Variants in TENM2 observed in about 807,000 individuals in gnomAD.
TENM2 encodes the protein teneurin transmembrane protein 2.
TENM2 carries 52 observed loss-of-function variants against 245.2 expected under a neutral mutation model. The observed-to-expected ratio is 0.21, with a 90% CI of 0.17 to 0.27. The LOEUF is 0.27. Ranked by LOEUF, TENM2 falls within the 10% of genes least tolerant of loss-of-function variation. TENM2 has a pLI of 1.00. For missense variants in TENM2, 3,046 were observed against 3,666.8 expected, an observed-to-expected ratio of 0.83 and a Z score of 4.37; for synonymous variants, 1,363 against 1,438.9, an observed-to-expected ratio of 0.95 and a Z score of 1.19.
chr5:168,020,929 A>G (rs1437250167), intron 5 of TENM2, among the ~76,000 whole-genome samples: 1 of 152,230 alleles, frequency 6.6e-6, no homozygotes, highest in African/African-American at 2.4e-5. Flanking sequence ...AAAAAGCTCT[A>G]TTAAATAGAT....
intron 2 of TENM2, among the ~76,000 whole-genome samples, chr5:167,804,268 G>T (rs1437393780): frequency 6.6e-6 from 1 of 151,862 alleles, no homozygotes; most frequent in Non-Finnish European, 1.5e-5. Flanking sequence ...TAATAAAATT[G>T]CTATGGCATG....
rs188844033 is a variant in TENM2 at position 167,973,951 on chromosome 5, A to G, written c.948-18993A>G. On this transcript the variant is annotated intron_variant, in intron 4 of 28. Coordinates refer to ENST00000518659, the Ensembl canonical transcript of TENM2. ...GGATACACCAGAAAGGGAGGAAACTAAAAGTACATTGAAGTTAACCAGTGC... is the reference window on the plus strand; with the variant it reads ...GGATACACCAGAAAGGGAGGAAACTGAAAGTACATTGAAGTTAACCAGTGC... Among the ~76,000 whole-genome samples, 48 of 149,154 alleles carry G rather than the reference A, an allele frequency of 3.2e-4. No individual in the cohort carries two copies. In the East Asian group the frequency reaches 8.5e-3, roughly 27 times the overall value.
intron 5 of TENM2, among the ~76,000 whole-genome samples, chr5:168,036,981 G>A (rs548267851): frequency 5.1e-4 from 78 of 152,026 alleles, no homozygotes; most frequent in African/African-American, 1.8e-3. Flanking sequence ...GGCTGAGGAG[G>A]ACTACCCCTT....
At chr5:167,956,355 T>C (rs1264111215) in intron 4 of TENM2, among the ~76,000 whole-genome samples, 2 of 152,210 alleles carry the variant, frequency 1.3e-5, no homozygotes, top group African/African-American at 4.8e-5. Context: ...GCTTATCACC[T>C]TAAGGAGATT....
chr5:167,302,124 G>A lies in TENM2; in HGVS notation c.226+17061G>A, dbSNP rs1328842179. Reference sequence around the variant, plus strand: ...TGGAGGGACTGATGTGTAAAAGAATGCCTGGACATCAGGCACCTCAGACCG... The same window carrying A: ...TGGAGGGACTGATGTGTAAAAGAATACCTGGACATCAGGCACCTCAGACCG... On this transcript the variant is annotated intron_variant, in intron 1 of 28. Coordinates refer to ENST00000518659, the Ensembl canonical transcript of TENM2. 5.3e-5 allele frequency among the ~76,000 whole-genome samples: 8 copies of A among 152,254 alleles called. No homozygotes were observed. In the East Asian group the frequency reaches 7.7e-4, roughly 15 times the overall value.
chr5:167,066,609 C>A, the TENM2 span, among the ~76,000 whole-genome samples: 1 of 143,862 alleles, frequency 7.0e-6, no homozygotes, highest in Non-Finnish European at 1.5e-5. Context: ...TCAATTCCTA[C>A]CTATGAGTGA....
the TENM2 span, among the ~76,000 whole-genome samples, chr5:167,059,846 G>A: frequency 6.6e-6 from 1 of 151,896 alleles, no homozygotes; most frequent in Admixed American, 6.6e-5. Context: ...TGGGATTACA[G>A]GTGGCTGCCA....
intron 2 of TENM2, among the ~76,000 whole-genome samples, chr5:167,402,904 T>C (rs1455088381): frequency 6.6e-6 from 1 of 152,090 alleles, no homozygotes; most frequent in Admixed American, 6.6e-5. Context: ...TGTGAAATCA[T>C]TTCAATTAAT....
chr5:167,379,821 T>C (rs906843169), intron 2 of TENM2, among the ~76,000 whole-genome samples: 7 of 151,992 alleles, frequency 4.6e-5, no homozygotes, highest in Non-Finnish European at 1.0e-4. Context: ...GTGCTTGATG[T>C]TGATATGGGA....
intron 2 of TENM2, among the ~76,000 whole-genome samples, chr5:167,395,298 G>T (rs544552571): frequency 4.6e-5 from 7 of 152,200 alleles, no homozygotes; most frequent in Non-Finnish European, 7.4e-5. Flanking sequence ...TTCAGTGTTA[G>T]TGTATAGAAA....
intron 1 of TENM2, among the ~76,000 whole-genome samples, chr5:167,349,730 A>T (rs1213468650): frequency 6.6e-6 from 1 of 151,906 alleles, no homozygotes; most frequent in Non-Finnish European, 1.5e-5. Context: ...AATTTTGGTG[A>T]TTGTGTTAGT....
At chr5:167,114,037 CT>C in the TENM2 span, among the ~76,000 whole-genome samples, 2 of 152,328 alleles carry the variant, frequency 1.3e-5, no homozygotes, top group East Asian at 3.9e-4. Flanking sequence ...GACCTGCAGC[CT>C]TCCTTAGACC....
intron 1 of TENM2, among the ~76,000 whole-genome samples, chr5:167,357,444 G>T (rs1489591881): frequency 6.6e-6 from 1 of 151,826 alleles, no homozygotes; most frequent in East Asian, 1.9e-4. Context: ...CACCACACCT[G>T]GCTAATTTTT....
the TENM2 span, among the ~76,000 whole-genome samples, chr5:167,208,876 C>T: frequency 6.6e-6 from 1 of 152,146 alleles, no homozygotes; most frequent in Non-Finnish European, 1.5e-5. Context: ...ATTCCACTTG[C>T]TTTTTTGTTC....
intron 2 of TENM2, among the ~76,000 whole-genome samples, chr5:167,609,499 AAAAAAAAAAAAAAC>A (rs1478448161): frequency 4.7e-4 from 67 of 143,448 alleles, no homozygotes; most frequent in Non-Finnish European, 7.3e-4. Context: ...AAAAAAAAAA[AAAAAAAAAAAAAAC>A]AAAACCTTAC....
intron 2 of TENM2, among the ~76,000 whole-genome samples, chr5:167,537,830 A>G (rs1305701491): frequency 1.3e-5 from 2 of 152,334 alleles, no homozygotes; most frequent in South Asian, 2.1e-4. Context: ...GACTTTATTA[A>G]GGAGTAGGAT....
At chr5:167,336,450 A>G (rs571513766) in intron 1 of TENM2, among the ~76,000 whole-genome samples, 14 of 151,310 alleles carry the variant, frequency 9.3e-5, no homozygotes, top group African/African-American at 3.2e-4. Flanking sequence ...GGGGATGGAT[A>G]CTGAAGAGGC....
chr5:167,834,885 C>T (rs903515941), intron 2 of TENM2, among the ~76,000 whole-genome samples: 3 of 152,030 alleles, frequency 2.0e-5, no homozygotes, highest in Non-Finnish European at 4.4e-5. Context: ...CTCCTGACCT[C>T]GTGATCCGCC....
intron 2 of TENM2, among the ~76,000 whole-genome samples, chr5:167,675,777 A>G (rs1248722447): frequency 6.6e-6 from 1 of 152,116 alleles, no homozygotes; most frequent in Non-Finnish European, 1.5e-5. Context: ...GTCCAGAATG[A>G]AAACAGAAGC....
Sources: gnomAD v4.1 joint callset for allele counts (sites outside exome capture counted in the v4.1 genomes callset) on GRCh38, gnomAD v4.1.1 for gene constraint, MANE v1.5 for transcripts, NCBI Gene and HGNC (gene_info 2026-07-23, HGNC 2026-07-21) for gene names.